KLF8: variants seen among roughly 807,000 people sequenced by gnomAD.
KLF8 encodes Krueppel-like factor 8.
In KLF8, 10 loss-of-function variants were observed where a neutral mutation model predicts 18.2. The ratio of observed to expected loss-of-function variants is 0.55; its 90% CI spans 0.34 to 0.93. The LOEUF (loss-of-function observed/expected upper bound fraction) is 0.93. Ranked by LOEUF, KLF8 falls within the 40% of genes least tolerant of loss-of-function variation. KLF8 has a pLI of 0.02. For missense variants in KLF8, 264 were observed against 277.9 expected, an observed-to-expected ratio of 0.95 and a Z score of 0.36; for synonymous variants, 109 against 97.3, an observed-to-expected ratio of 1.12 and a Z score of -0.71.
intron 2 of KLF8, among the ~76,000 whole-genome samples, chrX:56,256,651 C>G (rs1310593714): frequency 9.0e-6 from 1 of 111,681 alleles, no homozygotes; most frequent in East Asian, 2.8e-4. Flanking sequence ...CAATTTTCTT[C>G]TTAATTTCTT....
chrX:55,963,538 C>T, the KLF8 span, among the ~76,000 whole-genome samples: 1 of 109,746 alleles, frequency 9.1e-6, no homozygotes, highest in Non-Finnish European at 1.9e-5. Flanking sequence ...AATAAAATTA[C>T]TGAAGACACT....
the KLF8 span, among the ~76,000 whole-genome samples, chrX:56,215,010 T>A: frequency 8.9e-6 from 1 of 112,492 alleles, no homozygotes; most frequent in Non-Finnish European, 1.9e-5. Context: ...AATTATGTAC[T>A]ATGAGACAGA....
the KLF8 span, among the ~76,000 whole-genome samples, chrX:56,176,401 T>A: frequency 8.9e-6 from 1 of 111,979 alleles, no homozygotes; most frequent in African/African-American, 3.2e-5. Flanking sequence ...GTTTGAATAT[T>A]CTTTTCTTTT....
the KLF8 span, among the ~76,000 whole-genome samples, chrX:56,051,936 A>T: frequency 9.1e-6 from 1 of 109,826 alleles, no homozygotes; most frequent in Non-Finnish European, 1.9e-5. Context: ...CTTTTCACAT[A>T]GTCCCATATT....
the KLF8 span, among the ~76,000 whole-genome samples, chrX:55,965,047 A>T: frequency 5.3e-4 from 59 of 111,814 alleles, no homozygotes; most frequent in Admixed American, 5.4e-3. Flanking sequence ...TTCCTAATTC[A>T]TTCTATGAGG....
chrX:56,129,538 G>A, the KLF8 span, among the ~76,000 whole-genome samples: 2 of 111,370 alleles, frequency 1.8e-5, no homozygotes, highest in Non-Finnish European at 3.8e-5. Context: ...TGGGTCCCTG[G>A]GGAAGCCAGA....
At chrX:55,939,148 A>G in the KLF8 span, among the ~76,000 whole-genome samples, 2 of 112,139 alleles carry the variant, frequency 1.8e-5, no homozygotes, top group Non-Finnish European at 3.8e-5. Context: ...CAGCAAATGT[A>G]AAAGAACAGA....
At chrX:56,067,622 C>A in the KLF8 span, among the ~76,000 whole-genome samples, 1 of 111,806 alleles carries the variant, frequency 8.9e-6, no homozygotes, top group South Asian at 3.8e-4. Context: ...CTGGACTCAG[C>A]AGAGAGCCAG....
the KLF8 span, among the ~76,000 whole-genome samples, chrX:56,185,669 G>A: frequency 8.9e-6 from 1 of 111,838 alleles, no homozygotes. Context: ...GACTAATAGC[G>A]AATCTCTCGG....
At chrX:55,997,016 G>A in the KLF8 span, among the ~76,000 whole-genome samples, 1 of 112,051 alleles carries the variant, frequency 8.9e-6, no homozygotes, top group African/African-American at 3.2e-5. Flanking sequence ...AGTGGGGGGA[G>A]GCTGTGAGCA....
the KLF8 span, among the ~76,000 whole-genome samples, chrX:55,987,429 C>A: frequency 9.1e-6 from 1 of 110,485 alleles, no homozygotes; most frequent in African/African-American, 3.3e-5. Context: ...CAACTCCCAC[C>A]CATGAGGGAG....
At chrX:55,957,700 G>T in the KLF8 span, among the ~76,000 whole-genome samples, 1 of 111,379 alleles carries the variant, frequency 9.0e-6, no homozygotes, top group African/African-American at 3.3e-5. Context: ...ATTATTCATT[G>T]TTAATTGCTT....
At chrX:56,012,287 C>G in the KLF8 span, among the ~76,000 whole-genome samples, 1 of 111,805 alleles carries the variant, frequency 8.9e-6, no homozygotes, top group Non-Finnish European at 1.9e-5. Flanking sequence ...TGCTTCATTC[C>G]CAGGATGCAA....
At chrX:56,071,733 C>T in the KLF8 span, among the ~76,000 whole-genome samples, 1 of 111,656 alleles carries the variant, frequency 9.0e-6, no homozygotes, top group Non-Finnish European at 1.9e-5. Context: ...AATTGAAGCC[C>T]AACAACAGTT....
At chrX:55,931,843 G>A in the KLF8 span, among the ~76,000 whole-genome samples, 27 of 111,024 alleles carry the variant, frequency 2.4e-4, no homozygotes, top group African/African-American at 8.9e-4. Flanking sequence ...TGTGTATTCT[G>A]TTGATTTGGA....
At chrX:56,133,677 G>A in the KLF8 span, among the ~76,000 whole-genome samples, 1 of 111,262 alleles carries the variant, frequency 9.0e-6, no homozygotes, top group Non-Finnish European at 1.9e-5. Flanking sequence ...CAATCATACA[G>A]GAGAAAGAAA....
At chrX:55,936,869 G>A in the KLF8 span, among the ~76,000 whole-genome samples, 3 of 111,750 alleles carry the variant, frequency 2.7e-5, no homozygotes, top group African/African-American at 6.5e-5. Context: ...AGTAAACAAA[G>A]CAGCCGGGAA....
the KLF8 span, among the ~76,000 whole-genome samples, chrX:56,051,238 T>A: frequency 2.7e-5 from 3 of 111,652 alleles, no homozygotes; most frequent in Non-Finnish European, 3.8e-5. Context: ...CCAGTCTGTG[T>A]CTTTTAATTG....
Position 56,233,246 on chromosome X carries a change from G to A in KLF8, c.-89G>A, listed in dbSNP as rs761732948. 2 of 1,135,247 alleles carry A rather than the reference G, an allele frequency of 1.8e-6. No individual in the cohort carries two copies. The highest frequency in any genetic ancestry group is 2.4e-6 in the Non-Finnish European group (2 of 830,257). 93.6% of individuals were successfully genotyped at this position (1,135,247 alleles called of 1,213,427 possible). On this transcript the variant is annotated 5_prime_UTR_variant, in exon 1 of 6. Transcript: ENST00000468660. Reference sequence around the variant, plus strand: ...TGTCAGAATGGGGCGGGTGTGAGGGGAACAGCTCTCTTGCGATCAGCTCAG... The same window carrying A: ...TGTCAGAATGGGGCGGGTGTGAGGGAAACAGCTCTCTTGCGATCAGCTCAG...
Sources: gnomAD v4.1 joint callset for allele counts (sites outside exome capture counted in the v4.1 genomes callset) on GRCh38, gnomAD v4.1.1 for gene constraint, MANE v1.5 for transcripts, NCBI Gene and HGNC (gene_info 2026-07-23, HGNC 2026-07-21) for gene names.